Variants in STK32C observed in about 807,000 individuals in gnomAD.
STK32C encodes serine/threonine kinase 32C.
A neutral mutation model predicts 56.5 loss-of-function variants in STK32C; 31 were observed. That is an observed-to-expected ratio of 0.55 (90% CI 0.41 to 0.74). STK32C has a LOEUF of 0.74. Ranked by LOEUF, STK32C falls within the 30% of genes least tolerant of loss-of-function variation. The pLI, the probability that STK32C is intolerant of heterozygous loss-of-function variation, is 0.00. For missense variants in STK32C, 544 were observed against 676.9 expected (o/e 0.80, Z 2.18); for synonymous variants, 309 against 289.4 (o/e 1.07, Z -0.69).
intron 1 of STK32C, among the ~76,000 whole-genome samples, chr10:132,284,982 G>A (rs33938711): frequency 1.1e-4 from 11 of 102,410 alleles, no homozygotes; most frequent in South Asian, 4.1e-4. Flanking sequence ...ACATTCCCAC[G>A]TCTGCCCAAA....
chr10:132,288,711 G>A (rs1457974253), intron 1 of STK32C, among the ~76,000 whole-genome samples: 1 of 152,186 alleles, frequency 6.6e-6, no homozygotes, highest in African/African-American at 2.4e-5. Context: ...GCCAGTTACA[G>A]TAGCATAAAA....
intron 2 of STK32C, among the ~76,000 whole-genome samples, chr10:132,232,018 C>G (rs965226294): frequency 6.6e-6 from 1 of 152,232 alleles, no homozygotes; most frequent in African/African-American, 2.4e-5. Context: ...CTCGCTTTCT[C>G]CACGCCTCCT....
intron 1 of STK32C, among the ~76,000 whole-genome samples, chr10:132,287,828 C>G (rs1056131304): frequency 6.6e-6 from 1 of 152,060 alleles, no homozygotes; most frequent in African/African-American, 2.4e-5. Context: ...ATGAGTCTCT[C>G]CTCCAGAAGA....
rs7079445 is a variant in STK32C, at chr10:132,277,222, A to C, written c.262+30350T>G. On this transcript the variant is annotated intron_variant, in intron 1 of 11. Transcript: ENST00000298630. ...TGGCCAGGACCATCAAAACCACCGA[A>C]GACGGGCCGAAGGGAGTCAGGGCCC... Among the ~76,000 whole-genome samples, 93 of 152,072 alleles carry C rather than the reference A, an allele frequency of 6.1e-4. No individual in the cohort carries two copies. In the South Asian group the frequency reaches 0.01, roughly 17 times the overall value.
intron 2 of STK32C, among the ~76,000 whole-genome samples, chr10:132,229,744 G>A (rs1281196346): frequency 6.6e-6 from 1 of 152,180 alleles, no homozygotes; most frequent in Non-Finnish European, 1.5e-5. Flanking sequence ...GAAGCAAAGC[G>A]GTGACCCTCC....
At chr10:132,288,945 T>C (rs140752139) in intron 1 of STK32C, among the ~76,000 whole-genome samples, 2 of 152,294 alleles carry the variant, frequency 1.3e-5, no homozygotes, top group East Asian at 1.9e-4. Flanking sequence ...TACATATAAA[T>C]TGACAAGTTT....
intron 1 of STK32C, among the ~76,000 whole-genome samples, chr10:132,265,486 G>A (rs35740938): frequency 0.087 from 13,189 of 152,100 alleles, 1,220 homozygotes; most frequent in African/African-American, 0.23. Flanking sequence ...GGTCCTCACT[G>A]CACTCTGGGG....
chr10:132,218,855 A>C (rs770453310), intron 10 of STK32C, among the ~76,000 whole-genome samples: 21 of 152,256 alleles, frequency 1.4e-4, no homozygotes, highest in Non-Finnish European at 2.2e-4. Flanking sequence ...CATATGTGGA[A>C]TATTACTCAG....
At position 132,307,439 on chromosome 10, in the gene STK32C, C is replaced by T. The variant is rs930126481; in HGVS notation, c.262+133G>A. On this transcript the variant is annotated intron_variant, in intron 1 of 11. Transcript: ENST00000298630. The surrounding 1 kb of genome is among the most constrained non-coding windows in gnomAD (Gnocchi z 4.4). ...TGGGGCCGCAGCCACCCGGCGCGAGCTTCTCCGGAAGCCGGGGCGCCCCGG... is the reference window on the plus strand; with the variant it reads ...TGGGGCCGCAGCCACCCGGCGCGAGTTTCTCCGGAAGCCGGGGCGCCCCGG... 1 of 1,075,934 alleles carries T rather than the reference C, an allele frequency of 9.3e-7. No homozygotes were observed. The highest frequency in any genetic ancestry group is 1.2e-6 in the Non-Finnish European group (1 of 816,204). 66.6% of individuals were successfully genotyped at this position (1,075,934 alleles called of 1,614,324 possible).
At chr10:132,230,110 CAGACGG>C (rs2063038386) in intron 2 of STK32C, among the ~76,000 whole-genome samples, 1 of 152,084 alleles carries the variant, frequency 6.6e-6, no homozygotes, top group South Asian at 2.1e-4. Context: ...AGCCCGAGAA[CAGACGG>C]AGACTAAGCT....
chr10:132,226,493 G>A (rs552451573), intron 4 of STK32C, among the ~76,000 whole-genome samples: 109 of 152,356 alleles, frequency 7.2e-4, no homozygotes, highest in Non-Finnish European at 7.3e-4. Flanking sequence ...AATGGACCAG[G>A]TGAAGGCCAC....
intron 10 of STK32C, among the ~76,000 whole-genome samples, chr10:132,216,694 GA>G (rs2043124862): frequency 6.6e-6 from 1 of 152,176 alleles, no homozygotes; most frequent in Admixed American, 6.5e-5. Context: ...GCAGTCTAGG[GA>G]CTTGCTGCAC....
chr10:132,276,467 T>G (rs1215023962), intron 1 of STK32C, among the ~76,000 whole-genome samples: 4 of 152,178 alleles, frequency 2.6e-5, no homozygotes, highest in African/African-American at 7.2e-5. Context: ...TCAGAGCATC[T>G]GCATCCACCC....
intron 1 of STK32C, among the ~76,000 whole-genome samples, chr10:132,283,698 T>C (rs949562110): frequency 7.9e-5 from 12 of 152,148 alleles, no homozygotes; most frequent in African/African-American, 2.4e-4. Flanking sequence ...CGGGCTGTCA[T>C]GGAGATGACC....
At chr10:132,278,247 G>C (rs1214938655) in intron 1 of STK32C, among the ~76,000 whole-genome samples, 1 of 152,032 alleles carries the variant, frequency 6.6e-6, no homozygotes, top group Non-Finnish European at 1.5e-5. Flanking sequence ...ACCCAGCAAA[G>C]ACCCACACAT....
intron 1 of STK32C, among the ~76,000 whole-genome samples, chr10:132,272,071 C>T (rs1326149580): frequency 6.6e-6 from 1 of 152,224 alleles, no homozygotes; most frequent in Non-Finnish European, 1.5e-5. Flanking sequence ...GTAGGTGTGT[C>T]GTGGGCTGTG....
chr10:132,221,157 A>C (rs2062625386), intron 10 of STK32C, among the ~76,000 whole-genome samples: 1 of 151,908 alleles, frequency 6.6e-6, no homozygotes, highest in African/African-American at 2.4e-5. Flanking sequence ...CACACAACCA[A>C]AGCCGGCACA....
At chr10:132,300,070 T>A (rs1209725981) in intron 1 of STK32C, among the ~76,000 whole-genome samples, 2 of 152,258 alleles carry the variant, frequency 1.3e-5, no homozygotes, top group African/African-American at 2.4e-5. Context: ...ACGCCCGTGC[T>A]AGACTCCTGC....
intron 7 of STK32C, among the ~76,000 whole-genome samples, 188 bp from the exon 8 acceptor site, chr10:132,224,711 G>C (rs533705425): frequency 6.6e-6 from 1 of 152,038 alleles, no homozygotes; most frequent in African/African-American, 2.4e-5. Context: ...TTACGCCTGG[G>C]TCCTGCGCCC....
Sources: allele counts gnomAD v4.1 joint callset (sites outside exome capture counted in the v4.1 genomes callset), GRCh38; gene constraint gnomAD v4.1.1; non-coding constraint Gnocchi (gnomAD v3.1); transcripts MANE v1.5; gene names NCBI Gene and HGNC (gene_info 2026-07-23, HGNC 2026-07-21).